TULP3: variants seen among roughly 807,000 people sequenced by gnomAD.
The protein encoded by TULP3 is TUB like protein 3.
Under a neutral mutation model 50.7 loss-of-function variants are expected in TULP3, and 38 were observed. The ratio of observed to expected loss-of-function variants is 0.75; its 90% confidence interval spans 0.58 to 0.98. The LOEUF (loss-of-function observed/expected upper bound fraction) is 0.98, where lower values mean the gene tolerates loss of function less well. Ranked by LOEUF, TULP3 falls within the 50% of genes least tolerant of loss-of-function variation. The pLI, the probability that TULP3 is intolerant of heterozygous loss-of-function variation, is 0.00. For synonymous variants in TULP3, 183 were observed against 196.6 expected (o/e 0.93, Z 0.58); for missense variants, 550 against 568.0 (o/e 0.97, Z 0.32).
intron 4 of TULP3, among the ~76,000 whole-genome samples, chr12:2,925,688 AAAAG>A (rs2098194302): frequency 6.6e-6 from 1 of 152,234 alleles, no homozygotes; most frequent in South Asian, 2.1e-4. Context: ...TTTTTACAAC[AAAAG>A]AAAGTGAAAG....
At chr12:2,913,305 T>C (rs565807075) in intron 2 of TULP3, among the ~76,000 whole-genome samples, 1 of 151,892 alleles carries the variant, frequency 6.6e-6, no homozygotes, top group Non-Finnish European at 1.5e-5. Context: ...TGGAGTGCAG[T>C]GATACGGTCA....
At position 2,939,326 on chromosome 12, in the gene TULP3, T is replaced by C. The variant is rs2098203315; in HGVS notation, c.1211T>C (p.Met404Thr). The change falls in exon 11 of 11, where the codon ATG becomes ACG. Residue 404 changes from methionine to threonine, a missense_variant. Met to Thr is a moderately conservative substitution (Grantham distance 81). Transcript: ENST00000448120. The surrounding 1 kb of genome is among the most constrained non-coding windows in gnomAD (Gnocchi z 4.0). ...CTGTTTCTAGCTGATTATATAGTCA[T>C]GCAGTTTGGACGTGTGGCAGATGAC... ...VHKNDPDYIV[M>T]QFGRVADDVF... 1 of 1,614,244 alleles carries C rather than the reference T, an allele frequency of 6.2e-7. No individual in the cohort carries two copies. Among genetic ancestry groups the C allele is most frequent in the Non-Finnish European group, 8.5e-7 (1 of 1,180,044 alleles).
At chr12:2,914,140 T>TTTTA (rs2098187281) in intron 2 of TULP3, among the ~76,000 whole-genome samples, 1 of 151,738 alleles carries the variant, frequency 6.6e-6, no homozygotes, top group African/African-American at 2.4e-5. Flanking sequence ...TTTTTTTTTT[T>TTTTA]TGAGACGGAG....
At chr12:2,909,398 A>G in intron 1 of TULP3, 131 bp from the exon 2 acceptor site, 1 of 786,258 alleles carries the variant, frequency 1.3e-6, no homozygotes, top group South Asian at 1.8e-5. Context: ...GGTAGCCTCT[A>G]GAAGCTGATG....
chr12:2,909,762 C>T (rs1340801528), intron 2 of TULP3, among the ~76,000 whole-genome samples, 182 bp downstream of exon 2: 3 of 152,164 alleles, frequency 2.0e-5, no homozygotes, highest in Non-Finnish European at 4.4e-5. Flanking sequence ...CTGGCTATGG[C>T]AAGACCAAAG....
intron 2 of TULP3, among the ~76,000 whole-genome samples, chr12:2,916,339 A>G (rs2098188689): frequency 6.6e-6 from 1 of 152,272 alleles, no homozygotes; most frequent in East Asian, 1.9e-4. Flanking sequence ...TATTTCATGG[A>G]AATTTCCACC....
chr12:2,940,921 T>A lies in TULP3; in HGVS notation c.*1477T>A. 2 of 580,244 alleles carry A rather than the reference T, an allele frequency of 3.4e-6. No homozygotes were observed. The highest frequency in any genetic ancestry group is 6.0e-6 in the Non-Finnish European group (2 of 331,962). 35.9% of individuals were successfully genotyped at this position (580,244 alleles called of 1,614,324 possible). ...CCATCCTGAGGCACTGCCTGGCAGA[T>A]AACCCTGGTTGGCCACAGAAGCTAT... is the stretch of plus-strand genomic sequence containing the variant. On this transcript the variant is annotated 3_prime_UTR_variant, in exon 11 of 11. Coordinates refer to ENST00000448120, the MANE Select transcript of TULP3 (RefSeq NM_003324.5).
At position 2,890,980 on chromosome 12, in the gene TULP3, C is replaced by T; in HGVS notation, c.33C>T (p.Ser11=). ...CTTCGCGCTGCCGGCTCAGTCCCAG[C>T]GGCGACAGGTCAGACAGGGCCGTGG... MEASRCRLSP[S]GDSVFHEEMM... Residue 11 remains serine, a synonymous_variant, in exon 1 of 11, where the codon AGC becomes AGT. Transcript: ENST00000448120. 2.5e-6 allele frequency: 4 copies of T among 1,592,964 alleles called. No individual in the cohort carries two copies. Among genetic ancestry groups the T allele is most frequent in the Non-Finnish European group, 2.6e-6 (3 of 1,170,492 alleles).
intron 1 of TULP3, among the ~76,000 whole-genome samples, chr12:2,896,073 TGGGATTACA>T (rs1235046951): frequency 6.6e-6 from 1 of 152,140 alleles, no homozygotes; most frequent in East Asian, 1.9e-4. Flanking sequence ...CCCAAGTAGT[TGGGATTACA>T]GGCGTGCACC....
rs759860423 is a variant in TULP3, at chr12:2,922,389, T to C, written c.381T>C (p.Arg127=). 1.9e-6 allele frequency: 3 copies of C among 1,612,832 alleles called. No homozygotes were observed. The highest frequency in any genetic ancestry group is 1.7e-4 in the Middle Eastern group (1 of 6,046). Residue 127 remains arginine (R), a synonymous_variant, in exon 4 of 11, where the codon CGT becomes CGC. Coordinates refer to ENST00000448120, the MANE Select transcript of TULP3 (RefSeq NM_003324.5). ...DTASKPGLQE[R]LQKHDISESV... is the part of the protein sequence containing the mutation. ...CTTCCAAGCCAGGACTTCAGGAGCG[T>C]CTCCAAAAGCATGGTGAGGACTGGT...
rs2153950823 is a variant in TULP3 at position 2,940,737 on chromosome 12, A to G, written c.*1293A>G. 6.5e-7 allele frequency: 1 copy of G among 1,546,210 alleles called. No homozygotes were observed. The highest frequency in any genetic ancestry group is 8.7e-7 in the Non-Finnish European group (1 of 1,143,782). On this transcript the variant is annotated 3_prime_UTR_variant, in exon 11 of 11. Transcript: ENST00000448120. ...CAGATAAGCATGTGAAGGAGGGCCA[A>G]CTGGCAGCTGCGGGACCCTTGGCTT...
intron 2 of TULP3, among the ~76,000 whole-genome samples, chr12:2,913,237 G>GTGTGT (rs61247452): frequency 3.0e-5 from 4 of 132,058 alleles, no homozygotes; most frequent in South Asian, 2.5e-4. Context: ...GTGTGTGTGT[G>GTGTGT]GTGGCCTTTT....
At chr12:2,899,467 T>C (rs968955615) in intron 1 of TULP3, among the ~76,000 whole-genome samples, 2 of 152,048 alleles carry the variant, frequency 1.3e-5, no homozygotes, top group Admixed American at 6.6e-5. Context: ...ATCATAAAAG[T>C]ATTTTTTCCT....
chr12:2,927,770 A>G (rs1015422301), intron 4 of TULP3, among the ~76,000 whole-genome samples: 5 of 152,152 alleles, frequency 3.3e-5, no homozygotes, highest in African/African-American at 1.2e-4. Context: ...GAGATGTTGA[A>G]TGTGCACAAA....
At chr12:2,903,503 G>A (rs1056394967) in intron 1 of TULP3, among the ~76,000 whole-genome samples, 7 of 150,858 alleles carry the variant, frequency 4.6e-5, no homozygotes, top group South Asian at 2.1e-4. Context: ...CGGAGGTTGC[G>A]GCGAGCCAAG....
Position 2,913,248 on chromosome 12 carries a change from A to AT in TULP3, c.93+3677dup, listed in dbSNP as rs59758761. On this transcript the variant is annotated intron_variant, in intron 2 of 10. Coordinates refer to ENST00000448120, the MANE Select transcript of TULP3 (RefSeq NM_003324.5). Reference sequence around the variant, plus strand: ...ATGTGTGTGTGTGTGGTGGCCTTTTATTTTTTTTTATTTTTTTGAGATAGG... The same window carrying AT: ...ATGTGTGTGTGTGTGGTGGCCTTTTATTTTTTTTTTATTTTTTTGAGATAGG... Among the ~76,000 whole-genome samples the AT allele has an allele frequency of 4.6e-4, 66 of 144,148 alleles. 1 individual carries two copies. Among genetic ancestry groups the AT allele is most frequent in the African/African-American group, 1.7e-3 (64 of 38,704 alleles). The allele number at this position is 144,148 out of a possible 152,430, so 94.6% of individuals were successfully genotyped here.
At position 2,930,337 on chromosome 12, in the gene TULP3, A is replaced by C; in HGVS notation, c.484A>C (p.Asn162His). ...AAGACCCAATTCTGCATCAAGCCAGAATTCAACCGTATGTAGTTCTGAAAC... is the reference window on the plus strand; with the variant it reads ...AAGACCCAATTCTGCATCAAGCCAGCATTCAACCGTATGTAGTTCTGAAAC... ...LERPNSASSQNSTDTGTSGSA... is the reference protein window; with the variant it reads ...LERPNSASSQHSTDTGTSGSA... Residue 162 changes from asparagine (N) to histidine (H), a missense_variant, in exon 5 of 11, where the codon AAT (asparagine) becomes CAT (histidine). Transcript: ENST00000448120. 6.2e-7 allele frequency: 1 copy of C among 1,610,200 alleles called. No individual in the cohort carries two copies. The highest frequency in any genetic ancestry group is 1.7e-4 in the Middle Eastern group (1 of 6,054).
intron 2 of TULP3, among the ~76,000 whole-genome samples, chr12:2,916,553 T>G (rs1281612438): frequency 6.6e-6 from 1 of 152,198 alleles, no homozygotes; most frequent in Non-Finnish European, 1.5e-5. Flanking sequence ...TTAATTGCAT[T>G]TAGGGCATCT....
In TULP3 at chr12:2,939,320, T is replaced by C; in HGVS notation, c.1205T>C (p.Ile402Thr). The C allele has an allele frequency of 6.2e-7, 1 of 1,614,100 alleles. No homozygotes were observed. The highest frequency in any genetic ancestry group is 8.5e-7 in the Non-Finnish European group (1 of 1,180,008). Residue 402 changes from isoleucine (I) to threonine (T), a missense_variant, in exon 11 of 11, where the codon ATA becomes ACA. By Grantham distance (89) the Ile-to-Thr change is moderately conservative. Transcript: ENST00000448120. The surrounding 1 kb of genome is among the most constrained non-coding windows in gnomAD (Gnocchi z 4.0). ...QIVHKNDPDY[I>T]VMQFGRVADD... ...TTCTTTCTGTTTCTAGCTGATTATA[T>C]AGTCATGCAGTTTGGACGTGTGGCA...
Sources: allele counts gnomAD v4.1 joint callset (sites outside exome capture counted in the v4.1 genomes callset), GRCh38; gene constraint gnomAD v4.1.1; non-coding constraint Gnocchi (gnomAD v3.1); transcripts MANE v1.5; gene names NCBI Gene and HGNC (gene_info 2026-07-23, HGNC 2026-07-21).